GALNT13: variants seen among roughly 807,000 people sequenced by gnomAD.
The protein encoded by GALNT13 is UDP-GalNAc:polypeptide N-acetylgalactosaminyltransferase 13.
In GALNT13, 28 loss-of-function variants were observed where a neutral mutation model predicts 64.2. The observed-to-expected ratio is 0.44, with a 90% CI of 0.32 to 0.60. The LOEUF (loss-of-function observed/expected upper bound fraction) is 0.60. Among genes scored for constraint, GALNT13 ranks in the 20% least tolerant of loss-of-function variants. The probability of loss-of-function intolerance (pLI) is 0.05; values close to 1 mark genes in which losing one functional copy is unlikely to be tolerated. For missense variants in GALNT13, 577 were observed against 669.8 expected (o/e 0.86, Z 1.53); for synonymous variants, 214 against 224.6 (o/e 0.95, Z 0.42).
At chr2:154,421,887 A>G (rs375786488) in intron 11 of GALNT13, among the ~76,000 whole-genome samples, 1 of 152,072 alleles carries the variant, frequency 6.6e-6, no homozygotes, top group African/African-American at 2.4e-5. Context: ...ACTCAATCTC[A>G]TAGGGAATAC....
At chr2:153,604,153 A>G in the GALNT13 span, among the ~76,000 whole-genome samples, 4,261 of 152,050 alleles carry the variant, frequency 0.028, 87 homozygotes, top group Non-Finnish European at 0.039. Flanking sequence ...CTTTTCTTCC[A>G]CCATAGTCTC....
the GALNT13 span, among the ~76,000 whole-genome samples, chr2:153,418,393 A>G: frequency 1.3e-5 from 2 of 152,180 alleles, no homozygotes; most frequent in Non-Finnish European, 2.9e-5. Context: ...TAAACCACTA[A>G]GTTTGTTGTA....
At chr2:153,588,218 G>A in the GALNT13 span, among the ~76,000 whole-genome samples, 9 of 152,174 alleles carry the variant, frequency 5.9e-5, no homozygotes, top group Non-Finnish European at 1.0e-4. Context: ...TGAATCTACT[G>A]TTCTGGAGTC....
chr2:154,172,704 A>G (rs1685428631), intron 4 of GALNT13, among the ~76,000 whole-genome samples: 1 of 151,744 alleles, frequency 6.6e-6, no homozygotes, highest in African/African-American at 2.4e-5. Flanking sequence ...TTCTTCACTT[A>G]TCTGTTGATG....
At chr2:153,705,650 C>G in the GALNT13 span, among the ~76,000 whole-genome samples, 1 of 152,262 alleles carries the variant, frequency 6.6e-6, no homozygotes, top group Non-Finnish European at 1.5e-5. Flanking sequence ...GTTAGGCACA[C>G]AAGAATACAA....
chr2:153,400,391 T>A, the GALNT13 span, among the ~76,000 whole-genome samples: 2 of 152,316 alleles, frequency 1.3e-5, no homozygotes, highest in East Asian at 3.9e-4. Context: ...ATTCTCTTTT[T>A]TTGTTGTGCC....
chr2:154,133,605 C>T (rs1449607170), intron 3 of GALNT13, among the ~76,000 whole-genome samples: 3 of 132,104 alleles, frequency 2.3e-5, no homozygotes, highest in Non-Finnish European at 4.7e-5. Context: ...GGAAAACCCA[C>T]GTTAAAAACC....
At chr2:154,009,622 C>T (rs752915701) in intron 3 of GALNT13, among the ~76,000 whole-genome samples, 6 of 151,826 alleles carry the variant, frequency 4.0e-5, no homozygotes, top group Non-Finnish European at 5.9e-5. Flanking sequence ...TCCCAAGTAG[C>T]TGGGACTACA....
At chr2:153,109,134 C>T in the GALNT13 span, among the ~76,000 whole-genome samples, 1 of 152,022 alleles carries the variant, frequency 6.6e-6, no homozygotes. Context: ...GTTTTAGTAC[C>T]CTACATATCA....
At chr2:153,535,372 A>C in the GALNT13 span, among the ~76,000 whole-genome samples, 5 of 152,104 alleles carry the variant, frequency 3.3e-5, no homozygotes, top group African/African-American at 1.2e-4. Context: ...AAGAGTTAAG[A>C]GTGGCAGTTT....
At chr2:153,672,126 A>G in the GALNT13 span, among the ~76,000 whole-genome samples, 1 of 152,190 alleles carries the variant, frequency 6.6e-6, no homozygotes, top group East Asian at 1.9e-4. Flanking sequence ...CCCCACTGTC[A>G]ATATTAGACA....
In GALNT13 at chr2:154,452,020, A is replaced by G. The variant is rs1324302884; in HGVS notation, c.*1469A>G. On this transcript the variant is annotated 3_prime_UTR_variant, in exon 13 of 13. Coordinates refer to ENST00000392825, the MANE Select transcript of GALNT13 (RefSeq NM_052917.4). ...CTGACATGCACATACACTGCTTTAT[A>G]ATGAAAATGAGGACACTTTCTGATG... 4.6e-5 allele frequency: 7 copies of G among 152,238 alleles called. No individual in the cohort carries two copies. The highest frequency in any genetic ancestry group is 8.8e-5 in the Non-Finnish European group (6 of 68,014). 9.4% of individuals were successfully genotyped at this position (152,238 alleles called of 1,614,324 possible). A position where few individuals can be genotyped will look rare whatever the true frequency, so the allele number is the denominator to read the frequency against.
chr2:153,406,047 A>G, the GALNT13 span, among the ~76,000 whole-genome samples: 1 of 152,212 alleles, frequency 6.6e-6, no homozygotes, highest in African/African-American at 2.4e-5. Flanking sequence ...AAGTTGCTAA[A>G]GACAAACTGT....
chr2:154,269,912 A>ATATATATATATATATTTATATATATGTG (rs1691251621), intron 8 of GALNT13, among the ~76,000 whole-genome samples: 3 of 138,450 alleles, frequency 2.2e-5, no homozygotes, highest in African/African-American at 5.2e-5. Flanking sequence ...ATGTGTATAT[A>ATATATATATATATATTTATATATATGTG]TATATATATA....
intron 8 of GALNT13, among the ~76,000 whole-genome samples, chr2:154,298,636 T>A (rs182636501): frequency 0.046 from 608 of 13,264 alleles, 139 homozygotes; most frequent in East Asian, 0.095. Context: ...GTATATATAA[T>A]TTATATATAC....
intron 3 of GALNT13, among the ~76,000 whole-genome samples, chr2:154,010,804 G>A (rs1281359856): frequency 1.3e-5 from 2 of 151,554 alleles, no homozygotes; most frequent in Non-Finnish European, 2.9e-5. Context: ...TTTCTTCCTG[G>A]TTCAATCTTG....
intron 4 of GALNT13, among the ~76,000 whole-genome samples, chr2:154,163,210 T>A (rs1192901502): frequency 7.1e-6 from 1 of 141,428 alleles, no homozygotes; most frequent in Non-Finnish European, 1.5e-5. Flanking sequence ...TCAATTCCCA[T>A]CTATGAGTGA....
chr2:153,645,022 A>T, the GALNT13 span, among the ~76,000 whole-genome samples: 4 of 152,118 alleles, frequency 2.6e-5, no homozygotes, highest in African/African-American at 9.7e-5. Flanking sequence ...TTTAAAATTC[A>T]TATAAGAGAA....
intron 3 of GALNT13, among the ~76,000 whole-genome samples, chr2:154,133,115 A>G (rs889285029): frequency 6.6e-6 from 1 of 152,160 alleles, no homozygotes; most frequent in African/African-American, 2.4e-5. Flanking sequence ...AATTATTTAA[A>G]TATCTTATTT....
Sources: gnomAD v4.1 joint callset for allele counts (sites outside exome capture counted in the v4.1 genomes callset) on GRCh38, gnomAD v4.1.1 for gene constraint, MANE v1.5 for transcripts, NCBI Gene and HGNC (gene_info 2026-07-23, HGNC 2026-07-21) for gene names.